The following DNM3 variants were observed in gnomAD, a reference collection of about 807,000 sequenced individuals.
DNM3 encodes the protein dynamin 3.
Under a neutral mutation model 101.6 loss-of-function variants are expected in DNM3, and 47 were observed. The observed-to-expected ratio is 0.46, with a 90% confidence interval of 0.37 to 0.59. The LOEUF (loss-of-function observed/expected upper bound fraction) is 0.59. DNM3 is among the 20% of genes least tolerant of loss of function. The pLI, the probability that DNM3 is intolerant of heterozygous loss-of-function variation, is 0.00. For synonymous variants in DNM3, 385 were observed against 387.9 expected, an observed-to-expected ratio of 0.99 and a Z score of 0.09; for missense variants, 849 against 1,085.7, an observed-to-expected ratio of 0.78 and a Z score of 3.06.
chr1:172,144,191 A>T (rs1245379201), intron 14 of DNM3, among the ~76,000 whole-genome samples: 2 of 152,062 alleles, frequency 1.3e-5, no homozygotes, highest in African/African-American at 4.8e-5. Context: ...CAGAAATAAA[A>T]AAAAAAAAAA....
At chr1:172,124,432 C>T (rs2056507217) in intron 13 of DNM3, among the ~76,000 whole-genome samples, 1 of 152,172 alleles carries the variant, frequency 6.6e-6, no homozygotes, top group Non-Finnish European at 1.5e-5. Context: ...TTTTAGTTGC[C>T]TTCCTTTTCC....
At chr1:172,020,487 G>A (rs978879713) in intron 4 of DNM3, among the ~76,000 whole-genome samples, 4 of 152,074 alleles carry the variant, frequency 2.6e-5, no homozygotes, top group East Asian at 1.9e-4. Flanking sequence ...TTGGGAGGCT[G>A]AGGCGGGCAT....
chr1:172,163,072 A>T (rs1049776938), intron 14 of DNM3, among the ~76,000 whole-genome samples: 1 of 152,014 alleles, frequency 6.6e-6, no homozygotes, highest in Admixed American at 6.6e-5. Context: ...TTTAAGGTGT[A>T]CAATGTGATG....
intron 10 of DNM3, among the ~76,000 whole-genome samples, chr1:172,057,697 C>G (rs996989091): frequency 6.6e-6 from 1 of 151,604 alleles, no homozygotes; most frequent in African/African-American, 2.4e-5. Flanking sequence ...GAAGGAAGCA[C>G]TAAACATGGA....
chr1:172,388,900 C>A, intron 20 of DNM3, 91 bp downstream of exon 20: 1 of 1,130,902 alleles, frequency 8.8e-7, no homozygotes, highest in Non-Finnish European at 1.3e-6. Flanking sequence ...GAGAAAATTG[C>A]AAAGATCTTA....
At chr1:172,285,301 G>A (rs534574246) in intron 15 of DNM3, among the ~76,000 whole-genome samples, 1 of 152,310 alleles carries the variant, frequency 6.6e-6, no homozygotes, top group Non-Finnish European at 1.5e-5. Context: ...TGGAGACCAG[G>A]TTTTTACCAA....
chr1:172,020,834 G>A (rs1358603860), intron 4 of DNM3, among the ~76,000 whole-genome samples: 3 of 151,506 alleles, frequency 2.0e-5, no homozygotes, highest in Admixed American at 6.6e-5. Context: ...AATTTACTGC[G>A]AGAATTTATT....
intron 14 of DNM3, among the ~76,000 whole-genome samples, chr1:172,181,131 G>T (rs570524592): frequency 4.7e-4 from 71 of 152,088 alleles, no homozygotes; most frequent in African/African-American, 1.6e-3. Context: ...AATTTTGAAA[G>T]CATAAGAGGC....
At chr1:172,108,792 A>G (rs2055251183) in intron 13 of DNM3, among the ~76,000 whole-genome samples, 2 of 152,184 alleles carry the variant, frequency 1.3e-5, no homozygotes, top group African/African-American at 2.4e-5. Context: ...TTACCAAATA[A>G]TTGGCTGAAG....
At chr1:172,380,884 C>T (rs1281679307) in intron 18 of DNM3, 1 of 150,674 alleles carries the variant, frequency 6.6e-6, no homozygotes, top group African/African-American at 2.4e-5. Flanking sequence ...TCAGTTCAAA[C>T]GCTGCTTTGC....
chr1:172,410,504 TTTA>T lies in DNM3; in HGVS notation c.*2666_*2668del. On this transcript the variant is annotated 3_prime_UTR_variant, in exon 21 of 21. Coordinates refer to ENST00000627582, the MANE Select transcript of DNM3 (RefSeq NM_015569.5). ...TGTTTATTTGATAGGTAAATATAGT[TTTA>T]TTGTCACATGCTAAATATTGCATGC... 1.0e-6 allele frequency: 1 copy of T among 984,028 alleles called. No homozygotes were observed. The highest frequency in any genetic ancestry group is 1.2e-6 in the Non-Finnish European group (1 of 828,654). The allele number at this position is 984,028 out of a possible 1,614,324, so 61.0% of individuals were successfully genotyped here.
At chr1:172,062,335 A>G (rs1169190429) in intron 10 of DNM3, among the ~76,000 whole-genome samples, 1 of 152,166 alleles carries the variant, frequency 6.6e-6, no homozygotes, top group East Asian at 1.9e-4. Flanking sequence ...CTTAAGTAAG[A>G]GGCTCTTCTG....
At chr1:172,113,284 A>G (rs990507742) in intron 13 of DNM3, among the ~76,000 whole-genome samples, 9 of 152,142 alleles carry the variant, frequency 5.9e-5, no homozygotes, top group Non-Finnish European at 7.4e-5. Flanking sequence ...GCCCTGTTCT[A>G]TGGATTCCCT....
intron 2 of DNM3, among the ~76,000 whole-genome samples, chr1:171,935,384 G>A (rs540079053): frequency 8.0e-4 from 122 of 152,276 alleles, no homozygotes; most frequent in Non-Finnish European, 1.4e-3. Flanking sequence ...TGTGAGAAAG[G>A]TGAGGAAAAT....
intron 1 of DNM3, among the ~76,000 whole-genome samples, chr1:171,875,679 T>C (rs1282209654): frequency 6.6e-6 from 1 of 152,172 alleles, no homozygotes; most frequent in Admixed American, 6.5e-5. Context: ...TGCGAAATTA[T>C]AAAAATAGTA....
At chr1:172,377,381 C>T (rs900725528) in intron 17 of DNM3, among the ~76,000 whole-genome samples, 4 of 151,566 alleles carry the variant, frequency 2.6e-5, no homozygotes, top group African/African-American at 9.7e-5. Context: ...TGCTGAAATG[C>T]CATTACCTGG....
chr1:172,040,584 C>T (rs969421878), intron 7 of DNM3, among the ~76,000 whole-genome samples: 1 of 151,560 alleles, frequency 6.6e-6, no homozygotes, highest in African/African-American at 2.4e-5. Context: ...TTATGTTGAG[C>T]AGGGAAAGGT....
intron 2 of DNM3, among the ~76,000 whole-genome samples, chr1:171,935,769 CTT>C (rs551030808): frequency 1.0e-3 from 49 of 48,000 alleles, no homozygotes; most frequent in African/African-American, 3.3e-3. Flanking sequence ...CAAATCAAAA[CTT>C]TTTTTTTTTT....
chr1:171,971,112 AT>A (rs2043961750), intron 2 of DNM3, among the ~76,000 whole-genome samples: 1 of 152,076 alleles, frequency 6.6e-6, no homozygotes, highest in African/African-American at 2.4e-5. Flanking sequence ...TAAATGCTTT[AT>A]GCTTTCACTT....
Sources: allele counts gnomAD v4.1 joint callset (sites outside exome capture counted in the v4.1 genomes callset), GRCh38; gene constraint gnomAD v4.1.1; transcripts MANE v1.5; gene names NCBI Gene and HGNC (gene_info 2026-07-23, HGNC 2026-07-21).